LIN54: variants seen among roughly 807,000 people sequenced by gnomAD.
The protein encoded by LIN54 is protein lin-54 homolog.
LIN54 carries 9 observed loss-of-function variants against 78.7 expected under a neutral mutation model. The observed-to-expected ratio is 0.11, with a 90% CI of 0.07 to 0.20. The LOEUF (loss-of-function observed/expected upper bound fraction) is 0.20. LIN54 is among the 10% of genes least tolerant of loss of function. The probability of loss-of-function intolerance (pLI) is 1.00; values close to 1 mark genes in which losing one functional copy is unlikely to be tolerated. For missense variants in LIN54, 573 were observed against 889.9 expected, an observed-to-expected ratio of 0.64 and a Z score of 4.53; for synonymous variants, 269 against 318.4, an observed-to-expected ratio of 0.84 and a Z score of 1.65.
chr4:82,931,978 T>C (rs573223086), intron 11 of LIN54, among the ~76,000 whole-genome samples: 2 of 152,306 alleles, frequency 1.3e-5, no homozygotes, highest in Middle Eastern at 6.8e-3. Flanking sequence ...TTCCAGTTCT[T>C]GGGTACCACA....
At chr4:82,971,771 G>T (rs1993523) in intron 3 of LIN54, among the ~76,000 whole-genome samples, 65,317 of 151,958 alleles carry the variant, frequency 0.43, 16,899 homozygotes, top group Admixed American at 0.58. Flanking sequence ...GTCACTAAAG[G>T]TGTCCCAGGC....
At chr4:82,953,963 A>G (rs1724067762) in intron 4 of LIN54, among the ~76,000 whole-genome samples, 2 of 152,186 alleles carry the variant, frequency 1.3e-5, no homozygotes, top group African/African-American at 4.8e-5. Context: ...ATCAGGATCA[A>G]AATGATATAG....
At chr4:82,943,275 A>G (rs1252963208) in intron 5 of LIN54, among the ~76,000 whole-genome samples, 5 of 152,042 alleles carry the variant, frequency 3.3e-5, no homozygotes, top group African/African-American at 1.2e-4. Context: ...TTCCTCCCTC[A>G]CCGAGATGAC....
rs913262158 is a variant in LIN54, at chr4:82,935,017, A to G, written c.1845+964T>C. 2.0e-5 allele frequency among the ~76,000 whole-genome samples: 3 copies of G among 152,122 alleles called. No individual in the cohort carries two copies. In the South Asian group the frequency reaches 6.2e-4, roughly 32 times the overall value. On this transcript the variant is annotated intron_variant, in intron 11 of 12. Coordinates refer to ENST00000340417, the MANE Select transcript of LIN54 (RefSeq NM_194282.4). ...GAGAAGACGCCTGACCCATAAGTAA[A>G]AATAACCAGCTCAGTGGAACAACAA... is the stretch of plus-strand genomic sequence containing the variant.
intron 4 of LIN54, among the ~76,000 whole-genome samples, chr4:82,952,468 G>A (rs1723918191): frequency 6.6e-6 from 1 of 152,086 alleles, no homozygotes; most frequent in Non-Finnish European, 1.5e-5. Flanking sequence ...AACAACTGTT[G>A]GTAAGGATGT....
At chr4:82,976,495 G>A (rs894375504) in intron 3 of LIN54, among the ~76,000 whole-genome samples, 1 of 152,152 alleles carries the variant, frequency 6.6e-6, no homozygotes. Context: ...GGATCACAAG[G>A]TCAGGAGTTC....
At chr4:82,929,431 T>G (rs1162924962) in intron 12 of LIN54, among the ~76,000 whole-genome samples, 1 of 152,142 alleles carries the variant, frequency 6.6e-6, no homozygotes, top group Non-Finnish European at 1.5e-5. Context: ...TTATAAGTCT[T>G]ATTAAGGTGC....
chr4:82,993,844 G>A (rs1727960171), intron 1 of LIN54, among the ~76,000 whole-genome samples: 3 of 151,970 alleles, frequency 2.0e-5, no homozygotes, highest in Admixed American at 2.0e-4. Context: ...TTGAACTTCT[G>A]ATCTCAACTG....
chr4:82,971,958 A>G (rs1725688923), intron 3 of LIN54, among the ~76,000 whole-genome samples: 1 of 151,708 alleles, frequency 6.6e-6, no homozygotes, highest in South Asian at 2.1e-4. Flanking sequence ...AAAGGGAAAG[A>G]GAGAAAGAAG....
At chr4:82,998,331 T>A (rs1578648729) in intron 1 of LIN54, among the ~76,000 whole-genome samples, 1 of 151,906 alleles carries the variant, frequency 6.6e-6, no homozygotes, top group South Asian at 2.1e-4. Flanking sequence ...GATCACGAGG[T>A]CAGGAGTTCA....
At chr4:82,935,675 A>G (rs1443364098) in intron 11 of LIN54, among the ~76,000 whole-genome samples, 1 of 152,070 alleles carries the variant, frequency 6.6e-6, no homozygotes, top group Non-Finnish European at 1.5e-5. Context: ...ATCCACTTTG[A>G]TATTATTTTT....
intron 5 of LIN54, among the ~76,000 whole-genome samples, chr4:82,942,872 A>C (rs1455770083): frequency 6.8e-6 from 1 of 148,092 alleles, no homozygotes; most frequent in East Asian, 2.4e-4. Context: ...ACACACACAC[A>C]CACACACACA....
chr4:82,981,237 A>T (rs889824491), intron 2 of LIN54, among the ~76,000 whole-genome samples: 11 of 152,216 alleles, frequency 7.2e-5, no homozygotes, highest in African/African-American at 2.7e-4. Flanking sequence ...AGGAGCTAGT[A>T]AGGAGTTATA....
chr4:82,947,204 A>AAATATAT (rs1329789014), intron 4 of LIN54, among the ~76,000 whole-genome samples: 1 of 87,882 alleles, frequency 1.1e-5, no homozygotes, highest in East Asian at 3.0e-4. Context: ...GTCAAAAAAA[A>AAATATAT]ATTTATATAT....
At chr4:83,002,859 T>A (rs1728987039) in intron 1 of LIN54, among the ~76,000 whole-genome samples, 1 of 152,214 alleles carries the variant, frequency 6.6e-6, no homozygotes. Flanking sequence ...TATTAGTAGT[T>A]AAGTTTTTGG....
At chr4:82,958,719 T>TG (rs1724542819) in intron 4 of LIN54, among the ~76,000 whole-genome samples, 2 of 152,312 alleles carry the variant, frequency 1.3e-5, no homozygotes, top group East Asian at 3.9e-4. Flanking sequence ...ATTTTTGAGA[T>TG]GGAGTCTTGC....
chr4:82,982,306 G>A (rs976925832), intron 2 of LIN54, among the ~76,000 whole-genome samples: 1 of 152,106 alleles, frequency 6.6e-6, no homozygotes, highest in African/African-American at 2.4e-5. Flanking sequence ...ACAGCTCACA[G>A]CAGCCTAGAC....
intron 12 of LIN54, 89 bp downstream of exon 12, chr4:82,930,853 CA>C: frequency 7.9e-7 from 1 of 1,259,758 alleles, no homozygotes. Flanking sequence ...TTGCAACAAC[CA>C]AAAATATAAA....
At chr4:82,943,861 ATTTTT>A (rs35020887) in intron 5 of LIN54, among the ~76,000 whole-genome samples, 1 of 128,396 alleles carries the variant, frequency 7.8e-6, no homozygotes, top group African/African-American at 3.6e-5. Context: ...GTCAATACTG[ATTTTT>A]TTTTTTTTTT....
Sources: gnomAD v4.1 joint callset for allele counts (sites outside exome capture counted in the v4.1 genomes callset) on GRCh38, gnomAD v4.1.1 for gene constraint, MANE v1.5 for transcripts, NCBI Gene and HGNC (gene_info 2026-07-23, HGNC 2026-07-21) for gene names.